Variants in MAGI2 observed in about 807,000 individuals in gnomAD.
The protein encoded by MAGI2 is membrane-associated guanylate kinase, WW and PDZ domain-containing protein 2.
A neutral mutation model predicts 133.3 loss-of-function variants in MAGI2; 35 were observed. That is an observed-to-expected ratio of 0.26 (90% confidence interval 0.20 to 0.35). MAGI2 has a LOEUF of 0.35. Among genes scored for constraint, MAGI2 ranks in the 10% least tolerant of loss-of-function variants. The pLI, the probability that MAGI2 is intolerant of heterozygous loss-of-function variation, is 1.00. For missense variants in MAGI2, 1,636 were observed against 1,863.4 expected (o/e 0.88, Z 2.25); for synonymous variants, 729 against 710.6 (o/e 1.03, Z -0.41).
chr7:79,062,722 C>T (rs967012332), intron 1 of MAGI2, among the ~76,000 whole-genome samples: 3 of 151,926 alleles, frequency 2.0e-5, no homozygotes, highest in Admixed American at 6.6e-5. Context: ...TCCATGCCAG[C>T]GAGGAAGCTC....
chr7:78,232,803 A>G (rs954469070), intron 10 of MAGI2, among the ~76,000 whole-genome samples: 1 of 152,236 alleles, frequency 6.6e-6, no homozygotes, highest in Non-Finnish European at 1.5e-5. Context: ...GAAATTTGCC[A>G]AAACACACAG....
chr7:78,948,759 T>A (rs1308123667), intron 2 of MAGI2, among the ~76,000 whole-genome samples: 1 of 152,102 alleles, frequency 6.6e-6, no homozygotes, highest in Non-Finnish European at 1.5e-5. Flanking sequence ...CTTAGAAGCA[T>A]GAAACATGAA....
intron 2 of MAGI2, among the ~76,000 whole-genome samples, chr7:78,825,598 T>C (rs2151433469): frequency 6.6e-6 from 1 of 152,256 alleles, no homozygotes; most frequent in East Asian, 1.9e-4. Context: ...AAAAAACTAG[T>C]TTTTTTAAAA....
intron 2 of MAGI2, among the ~76,000 whole-genome samples, chr7:78,747,504 A>G (rs971699187): frequency 1.3e-5 from 2 of 152,156 alleles, no homozygotes; most frequent in African/African-American, 2.4e-5. Flanking sequence ...TACCAATTGC[A>G]AGCATAGTCG....
intron 1 of MAGI2, among the ~76,000 whole-genome samples, chr7:79,398,601 T>G (rs1845224277): frequency 6.6e-6 from 1 of 152,192 alleles, no homozygotes; most frequent in Non-Finnish European, 1.5e-5. Flanking sequence ...CAGGAAGTTG[T>G]TTTCCCTAAA....
At chr7:78,366,737 A>C (rs1793419387) in intron 7 of MAGI2, among the ~76,000 whole-genome samples, 1 of 152,166 alleles carries the variant, frequency 6.6e-6, no homozygotes, top group Middle Eastern at 3.2e-3. Context: ...TATTGGGATA[A>C]TATTCTACTT....
At chr7:78,792,419 T>C (rs1252386154) in intron 2 of MAGI2, among the ~76,000 whole-genome samples, 2 of 152,190 alleles carry the variant, frequency 1.3e-5, no homozygotes, top group Non-Finnish European at 2.9e-5. Context: ...TGAGCTATAC[T>C]ACAATAGCAC....
rs529590498 is a variant in MAGI2, at chr7:78,915,646, G to T, written c.418+91444C>A. 7.3e-5 allele frequency among the ~76,000 whole-genome samples: 11 copies of T among 151,184 alleles called. No homozygotes were observed. In the South Asian group the frequency reaches 1.7e-3, roughly 23 times the overall value. On this transcript the variant is annotated intron_variant, in intron 2 of 21. Transcript: ENST00000354212. ...TAAAGTATCATATAGCTGGGCTTTC[G>T]TAATTTTTTTTTTGTTTTATTTTGT...
intron 2 of MAGI2, among the ~76,000 whole-genome samples, chr7:78,776,337 A>G (rs779859572): frequency 1.3e-5 from 2 of 152,152 alleles, no homozygotes; most frequent in African/African-American, 2.4e-5. Context: ...GATTTGATCA[A>G]ATTAGGAAGC....
intron 2 of MAGI2, among the ~76,000 whole-genome samples, chr7:78,844,590 T>C (rs1437586394): frequency 1.3e-5 from 2 of 151,912 alleles, no homozygotes; most frequent in Non-Finnish European, 2.9e-5. Context: ...ATGTCTGGAA[T>C]AGGCAAATCC....
chr7:79,416,441 G>A (rs954784725), intron 1 of MAGI2, among the ~76,000 whole-genome samples: 2 of 151,976 alleles, frequency 1.3e-5, no homozygotes, highest in Non-Finnish European at 2.9e-5. Context: ...GATAATCAGG[G>A]AAATTTGAAT....
intron 3 of MAGI2, among the ~76,000 whole-genome samples, chr7:78,550,889 A>G (rs987127796): frequency 5.3e-5 from 8 of 152,064 alleles, no homozygotes; most frequent in African/African-American, 1.9e-4. Flanking sequence ...ATTATACAGA[A>G]CTTCTTCTAA....
At chr7:78,390,832 T>A (rs1187816026) in intron 6 of MAGI2, among the ~76,000 whole-genome samples, 1 of 152,188 alleles carries the variant, frequency 6.6e-6, no homozygotes, top group Non-Finnish European at 1.5e-5. Flanking sequence ...AAGTTATTGA[T>A]GCTATCTATC....
chr7:79,069,787 A>T (rs1295731734), intron 1 of MAGI2, among the ~76,000 whole-genome samples: 1 of 152,132 alleles, frequency 6.6e-6, no homozygotes, highest in Non-Finnish European at 1.5e-5. Context: ...GGAGCTCTTG[A>T]AAGGCAGGCC....
intron 9 of MAGI2, among the ~76,000 whole-genome samples, chr7:78,314,290 C>A (rs746011806): frequency 3.3e-5 from 5 of 152,016 alleles, no homozygotes; most frequent in Non-Finnish European, 7.4e-5. Flanking sequence ...TTTATTAATG[C>A]CTCTTTATTG....
chr7:79,176,920 A>G (rs1826148663), intron 1 of MAGI2: 1 of 152,008 alleles, frequency 6.6e-6, no homozygotes, highest in South Asian at 2.1e-4. Context: ...TGTTCCACAT[A>G]TGGCAACAAA....
chr7:79,062,021 G>C (rs1386308303), intron 1 of MAGI2, among the ~76,000 whole-genome samples: 3 of 152,000 alleles, frequency 2.0e-5, no homozygotes, highest in Non-Finnish European at 2.9e-5. Flanking sequence ...CAGGCACAAG[G>C]CAGGTGTCCA....
chr7:78,826,847 T>G (rs961826011), intron 2 of MAGI2, among the ~76,000 whole-genome samples: 1 of 152,064 alleles, frequency 6.6e-6, no homozygotes, highest in African/African-American at 2.4e-5. Context: ...TACTATCTAG[T>G]TCGCGAAAGT....
intron 2 of MAGI2, among the ~76,000 whole-genome samples, chr7:78,777,983 T>C (rs1002908980): frequency 6.6e-6 from 1 of 152,134 alleles, no homozygotes; most frequent in Non-Finnish European, 1.5e-5. Context: ...AAAGCACAAG[T>C]AGAAGGGCTG....
Sources: gnomAD v4.1 joint callset for allele counts (sites outside exome capture counted in the v4.1 genomes callset) on GRCh38, gnomAD v4.1.1 for gene constraint, MANE v1.5 for transcripts, NCBI Gene and HGNC (gene_info 2026-07-23, HGNC 2026-07-21) for gene names.